The following CALN1 variants were observed in gnomAD, a reference collection of about 807,000 sequenced individuals.
The protein encoded by CALN1 is calcium-binding protein 8.
A neutral mutation model predicts 30.6 loss-of-function variants in CALN1; 17 were observed. The observed-to-expected ratio is 0.56, with a 90% confidence interval of 0.38 to 0.83. CALN1 has a LOEUF of 0.83. Ranked by LOEUF, CALN1 falls within the 40% of genes least tolerant of loss-of-function variation. CALN1 has a pLI of 0.00. For synonymous variants in CALN1, 156 were observed against 131.4 expected, an observed-to-expected ratio of 1.19 and a Z score of -1.28; for missense variants, 291 against 354.9, an observed-to-expected ratio of 0.82 and a Z score of 1.45.
intron 3 of CALN1, among the ~76,000 whole-genome samples, chr7:72,204,712 T>C (rs1050129714): frequency 6.6e-5 from 10 of 152,288 alleles, no homozygotes; most frequent in Admixed American, 2.6e-4. Flanking sequence ...AAATGAATTA[T>C]ACATGTAAAG....
intron 5 of CALN1, among the ~76,000 whole-genome samples, chr7:71,979,252 A>G (rs1184123954): frequency 1.3e-5 from 2 of 152,200 alleles, no homozygotes; most frequent in African/African-American, 4.8e-5. Context: ...GGATGATTCA[A>G]GCACATTATA....
At chr7:72,277,890 A>G (rs1214841419) in intron 3 of CALN1, among the ~76,000 whole-genome samples, 3 of 151,840 alleles carry the variant, frequency 2.0e-5, no homozygotes, top group Non-Finnish European at 4.4e-5. Flanking sequence ...CCTTAAAATG[A>G]TATTATTACA....
At chr7:72,215,393 A>G (rs1200972179) in intron 3 of CALN1, among the ~76,000 whole-genome samples, 1 of 152,160 alleles carries the variant, frequency 6.6e-6, no homozygotes, top group Non-Finnish European at 1.5e-5. Context: ...CAGGAGTTCG[A>G]GACCAGCCTG....
chr7:71,809,570 A>G (rs780582488), intron 6 of CALN1, among the ~76,000 whole-genome samples: 1 of 151,824 alleles, frequency 6.6e-6, no homozygotes, highest in Non-Finnish European at 1.5e-5. Context: ...GTTTTAATGT[A>G]ATTAAAAATT....
At chr7:72,334,312 C>CA (rs1360212278) in intron 2 of CALN1, among the ~76,000 whole-genome samples, 10 of 152,322 alleles carry the variant, frequency 6.6e-5, no homozygotes, top group Non-Finnish European at 8.8e-5. Flanking sequence ...TGGTAAAAGA[C>CA]ACCACTGCAC....
At chr7:72,247,035 A>G (rs1353107235) in intron 3 of CALN1, among the ~76,000 whole-genome samples, 1 of 150,852 alleles carries the variant, frequency 6.6e-6, no homozygotes, top group Non-Finnish European at 1.5e-5. Context: ...ATTACAGGCA[A>G]GAGCCACTGT....
At chr7:72,455,202 G>A in the CALN1 span, among the ~76,000 whole-genome samples, 57 of 151,724 alleles carry the variant, frequency 3.8e-4, no homozygotes, top group Non-Finnish European at 6.8e-4. Flanking sequence ...CTCTGGAGGC[G>A]GAGGCAGGAA....
At chr7:72,115,074 CATTATATATGGACATTAT>C (rs1408738703) in intron 3 of CALN1, among the ~76,000 whole-genome samples, 1 of 147,020 alleles carries the variant, frequency 6.8e-6, no homozygotes, top group African/African-American at 2.5e-5. Context: ...ATGGACATTA[CATTATATATGGACATTAT>C]ACTATATATA....
At chr7:71,847,794 GAA>G (rs1554353649) in intron 5 of CALN1, among the ~76,000 whole-genome samples, 37 of 134,086 alleles carry the variant, frequency 2.8e-4, no homozygotes, top group African/African-American at 9.0e-4. Context: ...AGAAGAAGAA[GAA>G]AAGAAGAAAA....
At chr7:72,055,638 T>G (rs1479915205) in intron 4 of CALN1, among the ~76,000 whole-genome samples, 2 of 152,102 alleles carry the variant, frequency 1.3e-5, no homozygotes, top group African/African-American at 4.8e-5. Context: ...AATTATGAAA[T>G]ACTGTACTTT....
At chr7:71,982,956 G>A (rs1235630275) in intron 5 of CALN1, among the ~76,000 whole-genome samples, 2 of 152,126 alleles carry the variant, frequency 1.3e-5, no homozygotes, top group East Asian at 1.9e-4. Flanking sequence ...GTGCAGTAAG[G>A]AGCAGACAAC....
intron 3 of CALN1, among the ~76,000 whole-genome samples, chr7:72,184,994 A>C (rs1177068372): frequency 6.6e-6 from 1 of 151,812 alleles, no homozygotes; most frequent in Non-Finnish European, 1.5e-5. Flanking sequence ...TGTAGAGATG[A>C]AGGTCTCACT....
intron 5 of CALN1, among the ~76,000 whole-genome samples, chr7:71,916,830 T>A (rs1253356112): frequency 6.6e-6 from 1 of 151,998 alleles, no homozygotes; most frequent in Non-Finnish European, 1.5e-5. Context: ...AAAAAAAAAA[T>A]TCTTGCGATG....
chr7:72,338,293 C>T (rs920726024), intron 2 of CALN1, among the ~76,000 whole-genome samples: 1 of 152,142 alleles, frequency 6.6e-6, no homozygotes, highest in African/African-American at 2.4e-5. Context: ...CTCACCAGCT[C>T]AGATGTCTTC....
At chr7:71,850,196 A>G (rs1790554850) in intron 5 of CALN1, among the ~76,000 whole-genome samples, 1 of 152,110 alleles carries the variant, frequency 6.6e-6, no homozygotes, top group South Asian at 2.1e-4. Context: ...TGAGTGCGTA[A>G]TATACTGACA....
rs550413740 is a variant in CALN1 at position 71,869,773 on chromosome 7, G to A, written c.502-59281C>T. Among the ~76,000 whole-genome samples the A allele has an allele frequency of 3.1e-4, 47 of 152,284 alleles. No individual in the cohort carries two copies. In the South Asian group the frequency reaches 9.1e-3, roughly 30 times the overall value. The stretch of plus-strand genomic sequence containing the variant: ...ACACTCTACTCTCTGGGGTGATCGG[G>A]TTGTTTGAAGGAGACAATGGAATCG... On this transcript the variant is annotated intron_variant, in intron 5 of 6. Coordinates refer to ENST00000395275, the MANE Select transcript of CALN1 (RefSeq NM_031468.4).
chr7:72,180,961 T>C (rs1789737604), intron 3 of CALN1, among the ~76,000 whole-genome samples: 1 of 151,604 alleles, frequency 6.6e-6, no homozygotes, highest in African/African-American at 2.4e-5. Context: ...TATCCAGACA[T>C]GGTGCAGGTG....
chr7:72,027,338 T>C (rs533540242), intron 4 of CALN1, among the ~76,000 whole-genome samples: 70 of 152,168 alleles, frequency 4.6e-4, no homozygotes, highest in Non-Finnish European at 5.9e-4. Context: ...GTGGGCATCA[T>C]CTCACTATCT....
intron 5 of CALN1, among the ~76,000 whole-genome samples, chr7:71,907,203 C>T (rs181695974): frequency 2.2e-3 from 334 of 150,972 alleles, no homozygotes; most frequent in Admixed American, 6.0e-3. Context: ...GTGCAAATTG[C>T]TAAATCAATT....
Sources: gnomAD v4.1 joint callset for allele counts (sites outside exome capture counted in the v4.1 genomes callset) on GRCh38, gnomAD v4.1.1 for gene constraint, MANE v1.5 for transcripts, NCBI Gene and HGNC (gene_info 2026-07-23, HGNC 2026-07-21) for gene names.